The following PKIA variants were observed in gnomAD, a reference collection of about 807,000 sequenced individuals.
PKIA encodes the protein cAMP-dependent protein kinase inhibitor alpha, also known as PKI-alpha.
Under a neutral mutation model 7.6 loss-of-function variants are expected in PKIA, and 4 were observed. The observed-to-expected ratio is 0.52, with a 90% confidence interval of 0.26 to 1.20. The LOEUF (loss-of-function observed/expected upper bound fraction) is 1.20, where lower values mean the gene tolerates loss of function less well. Among genes scored for constraint, PKIA ranks in the 50% most tolerant of loss-of-function variants. The pLI is 0.13. For missense variants in PKIA, 73 were observed against 86.2 expected (o/e 0.85, Z 0.61); for synonymous variants, 21 against 30.7 (o/e 0.68, Z 1.04).
chr8:78,528,711 A>G (rs1806312526), intron 1 of PKIA, among the ~76,000 whole-genome samples: 1 of 151,594 alleles, frequency 6.6e-6, no homozygotes. Flanking sequence ...TCATGCCTGT[A>G]ATCTCAGCAC....
Position 78,601,749 on chromosome 8 carries a change from A to C in PKIA, c.159A>C (p.Glu53Asp). ...AGLDINKTEG[E>D]EDAQRSSTEQ... ...TTCGTTTTTCTTTTGCAGAAGGTGA[A>C]GAAGATGCACAACGAAGTTCTACAG... The change falls in exon 4 of 4, where the codon GAA becomes GAC. Residue 53 changes from glutamate to aspartate, a missense_variant. Physicochemically the swap from Glu to Asp is conservative, Grantham distance 45 (BLOSUM62 2). Coordinates refer to ENST00000396418, the MANE Select transcript of PKIA (RefSeq NM_006823.4). 1.2e-6 allele frequency: 2 copies of C among 1,611,658 alleles called. No homozygotes were observed. The highest frequency in any genetic ancestry group is 1.7e-6 in the Non-Finnish European group (2 of 1,178,500).
At chr8:78,569,642 GA>G (rs1017945703) in intron 1 of PKIA, among the ~76,000 whole-genome samples, 1 of 151,396 alleles carries the variant, frequency 6.6e-6, no homozygotes, top group Non-Finnish European at 1.5e-5. Context: ...CAAAATAAAT[GA>G]AAAAAAATTA....
intron 1 of PKIA, among the ~76,000 whole-genome samples, chr8:78,558,711 T>C (rs999657911): frequency 2.7e-5 from 4 of 149,472 alleles, no homozygotes; most frequent in African/African-American, 9.8e-5. Flanking sequence ...AGCCAAACCA[T>C]ATTAATAATC....
chr8:78,571,965 G>A (rs1226360582), intron 1 of PKIA, among the ~76,000 whole-genome samples: 4 of 152,062 alleles, frequency 2.6e-5, no homozygotes, highest in Non-Finnish European at 5.9e-5. Flanking sequence ...TAAGTGGAGG[G>A]AAAGAGAGAT....
chr8:78,523,017 C>A (rs1032500063), intron 1 of PKIA, among the ~76,000 whole-genome samples: 1 of 151,894 alleles, frequency 6.6e-6, no homozygotes, highest in African/African-American at 2.4e-5. Flanking sequence ...TTTTAACCAT[C>A]CTCCTCAGCA....
At chr8:78,572,742 C>T (rs994568027) in intron 1 of PKIA, 69 bp from the exon 2 acceptor site, 1 of 151,986 alleles carries the variant, frequency 6.6e-6, no homozygotes, top group African/African-American at 2.4e-5. Context: ...TGAACATTTG[C>T]TTAAAATTTT....
chr8:78,539,719 T>A (rs989936537), intron 1 of PKIA, among the ~76,000 whole-genome samples: 1 of 152,062 alleles, frequency 6.6e-6, no homozygotes. Flanking sequence ...ATTTATTACC[T>A]GCAGTGCTTA....
intron 2 of PKIA, among the ~76,000 whole-genome samples, chr8:78,579,805 T>A (rs1359451147): frequency 6.6e-6 from 1 of 152,060 alleles, no homozygotes; most frequent in Non-Finnish European, 1.5e-5. Flanking sequence ...GACAACCATT[T>A]CCACCCATAA....
intron 2 of PKIA, among the ~76,000 whole-genome samples, chr8:78,591,603 T>A (rs1280830518): frequency 6.6e-6 from 1 of 152,166 alleles, no homozygotes; most frequent in Non-Finnish European, 1.5e-5. Flanking sequence ...GATTTATGCT[T>A]TAAAATTTAA....
chr8:78,588,079 A>G (rs936353051), intron 2 of PKIA, among the ~76,000 whole-genome samples: 1 of 152,262 alleles, frequency 6.6e-6, no homozygotes, highest in Non-Finnish European at 1.5e-5. Context: ...AGAGGTCAAC[A>G]TGAAAATAAT....
Position 78,598,369 on chromosome 8 carries a change from T to G in PKIA, c.-16T>G. On this transcript the variant is annotated 5_prime_UTR_variant, in exon 3 of 4. Transcript: ENST00000396418. ...CCTTTCTTTTGTAGTCCCTGCTATGTGGATATTTGGTAGCAATGACTGATG... is the reference window on the plus strand; with the variant it reads ...CCTTTCTTTTGTAGTCCCTGCTATGGGGATATTTGGTAGCAATGACTGATG... The G allele has an allele frequency of 6.2e-7, 1 of 1,602,094 alleles. No individual in the cohort carries two copies. The highest frequency in any genetic ancestry group is 8.5e-7 in the Non-Finnish European group (1 of 1,171,518).
At chr8:78,587,846 C>T (rs1179118089) in intron 2 of PKIA, among the ~76,000 whole-genome samples, 1 of 152,088 alleles carries the variant, frequency 6.6e-6, no homozygotes, top group Non-Finnish European at 1.5e-5. Flanking sequence ...TTTCATTAGA[C>T]AGGAAAATGA....
At chr8:78,571,875 C>G (rs1807558041) in intron 1 of PKIA, among the ~76,000 whole-genome samples, 1 of 151,922 alleles carries the variant, frequency 6.6e-6, no homozygotes, top group Non-Finnish European at 1.5e-5. Context: ...TTGTCTGTCG[C>G]TCCTAGATTC....
intron 1 of PKIA, among the ~76,000 whole-genome samples, chr8:78,556,863 A>T (rs1472974529): frequency 6.6e-6 from 1 of 152,128 alleles, no homozygotes; most frequent in Non-Finnish European, 1.5e-5. Context: ...AATTGTTCTG[A>T]TGACTAGCAG....
intron 2 of PKIA, among the ~76,000 whole-genome samples, chr8:78,585,515 G>A (rs1020088581): frequency 1.3e-5 from 2 of 152,048 alleles, no homozygotes; most frequent in African/African-American, 4.8e-5. Context: ...ACATGTAATA[G>A]CAATGAAAAA....
At chr8:78,581,068 G>C (rs1030676306) in intron 2 of PKIA, among the ~76,000 whole-genome samples, 3 of 152,016 alleles carry the variant, frequency 2.0e-5, no homozygotes, top group African/African-American at 7.2e-5. Flanking sequence ...CCAGATCTTG[G>C]TGTCTAGATA....
chr8:78,517,023 G>A (rs1333226681), intron 1 of PKIA, among the ~76,000 whole-genome samples: 2 of 152,172 alleles, frequency 1.3e-5, no homozygotes, highest in Non-Finnish European at 2.9e-5. Flanking sequence ...AGCTTGGGTT[G>A]AGCAGCACTT....
intron 1 of PKIA, among the ~76,000 whole-genome samples, chr8:78,564,879 A>G (rs1807367399): frequency 6.6e-6 from 1 of 151,970 alleles, no homozygotes; most frequent in South Asian, 2.1e-4. Context: ...CCTTGTGACA[A>G]CTATGTAAAC....
intron 1 of PKIA, among the ~76,000 whole-genome samples, chr8:78,546,843 TTC>T (rs1249206084): frequency 6.6e-6 from 1 of 152,228 alleles, no homozygotes; most frequent in Non-Finnish European, 1.5e-5. Context: ...AATTATTAAC[TTC>T]TGTTTCCATT....
Sources: gnomAD v4.1 joint callset for allele counts (sites outside exome capture counted in the v4.1 genomes callset) on GRCh38, gnomAD v4.1.1 for gene constraint, MANE v1.5 for transcripts, NCBI Gene and HGNC (gene_info 2026-07-23, HGNC 2026-07-21) for gene names.